Variants in COPG2 observed in about 807,000 individuals in gnomAD.
COPG2 encodes coat protein complex I subunit gamma 2.
A neutral mutation model predicts 46.3 loss-of-function variants in COPG2; 37 were observed. The observed-to-expected ratio is 0.80, with a 90% CI of 0.61 to 1.05. COPG2 has a LOEUF of 1.05. Ranked by LOEUF, COPG2 falls within the 50% of genes least tolerant of loss-of-function variation. COPG2 has a pLI of 0.00. For missense variants in COPG2, 427 were observed against 387.8 expected (o/e 1.10, Z -0.85); for synonymous variants, 159 against 129.7 (o/e 1.23, Z -1.53).
chr7:130,597,662 G>A (rs1794555342), intron 9 of COPG2, among the ~76,000 whole-genome samples: 1 of 152,000 alleles, frequency 6.6e-6, no homozygotes, highest in African/African-American at 2.4e-5. Context: ...ATGAAAAAAA[G>A]GTACCACTAA....
chr7:130,532,440 C>T (rs1026799246), intron 20 of COPG2, among the ~76,000 whole-genome samples: 41 of 151,950 alleles, frequency 2.7e-4, no homozygotes, highest in Non-Finnish European at 3.8e-4. Context: ...AAGATATGGG[C>T]GCTAAGGAGG....
chr7:130,532,458 CAGG>C (rs1799836966), intron 20 of COPG2, among the ~76,000 whole-genome samples: 1 of 151,786 alleles, frequency 6.6e-6, no homozygotes, highest in Admixed American at 6.6e-5. Context: ...AGGGAGGAGG[CAGG>C]AGGAGGGTGG....
At chr7:130,619,326 A>G (rs868937043) in intron 5 of COPG2, among the ~76,000 whole-genome samples, 1 of 152,214 alleles carries the variant, frequency 6.6e-6, no homozygotes, top group Middle Eastern at 3.2e-3. Context: ...ATCTTATTGG[A>G]CAATACAGAT....
At position 130,549,392 on chromosome 7, in the gene COPG2, T is replaced by C; in HGVS notation, c.1775-16A>G. On this transcript the variant is annotated splice_polypyrimidine_tract_variant and intron_variant, in intron 17 of 23. Transcript: ENST00000425248. ...AGTGTGATTTCTATAAAGACAGATA[T>C]GAGCAAGTAAGTGAACTTCTCCCAC... The C allele has an allele frequency of 2.5e-6, 1 of 398,570 alleles. No individual in the cohort carries two copies. The highest frequency in any genetic ancestry group is 4.4e-6 in the Non-Finnish European group (1 of 226,038). The allele number at this position is 398,570 out of a possible 1,614,324, so 24.7% of individuals were successfully genotyped here.
At chr7:130,644,045 T>C (rs2116210663) in intron 5 of COPG2, among the ~76,000 whole-genome samples, 1 of 152,314 alleles carries the variant, frequency 6.6e-6, no homozygotes, top group East Asian at 1.9e-4. Flanking sequence ...GGCAGTTTGG[T>C]TAGAGGAAAA....
chr7:130,591,842 C>T (rs1794434132), intron 9 of COPG2, among the ~76,000 whole-genome samples: 1 of 151,792 alleles, frequency 6.6e-6, no homozygotes, highest in South Asian at 2.1e-4. Context: ...TCTGTCCGGC[C>T]ACCCCTACTG....
chr7:130,586,294 A>C (rs1554447971), intron 9 of COPG2, among the ~76,000 whole-genome samples: 1 of 151,984 alleles, frequency 6.6e-6, no homozygotes, highest in East Asian at 1.9e-4. Context: ...CAAATCATAC[A>C]ATGGACTTTT....
In COPG2 at chr7:130,574,441, G is replaced by A. The variant is rs549516958; in HGVS notation, c.738-10048C>T. 2.0e-5 allele frequency among the ~76,000 whole-genome samples: 3 copies of A among 152,254 alleles called. No individual in the cohort carries two copies. The East Asian group carries it at 5.8e-4, about 29-fold the overall frequency. ...GCTGGGTGGCTAGACCCAGAAGAGA[G>A]ACAACAATCACTGCAGTTTGGCTCA... is the stretch of plus-strand genomic sequence containing the variant. On this transcript the variant is annotated intron_variant, in intron 9 of 23. Coordinates refer to ENST00000425248, the MANE Select transcript of COPG2 (RefSeq NM_012133.6).
intron 20 of COPG2, among the ~76,000 whole-genome samples, chr7:130,528,515 G>A (rs1173008639): frequency 4.6e-5 from 7 of 152,084 alleles, no homozygotes; most frequent in African/African-American, 1.7e-4. Context: ...AAGAAGGGAG[G>A]AGGTACCTGA....
At chr7:130,522,494 G>A (rs926016162) in intron 20 of COPG2, among the ~76,000 whole-genome samples, 4 of 152,028 alleles carry the variant, frequency 2.6e-5, no homozygotes, top group Non-Finnish European at 5.9e-5. Context: ...GATACGAAGG[G>A]GGTTTAGAGT....
At chr7:130,547,024 T>C (rs1793455573) in intron 20 of COPG2, 1 of 152,210 alleles carries the variant, frequency 6.6e-6, no homozygotes, top group South Asian at 2.1e-4. Context: ...GAATAAATAC[T>C]TGACATTCAC....
At chr7:130,628,355 G>A (rs1285999201) in intron 5 of COPG2, among the ~76,000 whole-genome samples, 4 of 151,340 alleles carry the variant, frequency 2.6e-5, no homozygotes, top group African/African-American at 7.3e-5. Flanking sequence ...CTAGTTTATT[G>A]TTTATACTTC....
intron 20 of COPG2, among the ~76,000 whole-genome samples, chr7:130,535,076 G>T (rs1254416366): frequency 1.3e-5 from 2 of 152,154 alleles, no homozygotes; most frequent in African/African-American, 4.8e-5. Context: ...ATAGAGAGAG[G>T]ATGGAAAAGT....
Position 130,590,274 on chromosome 7 carries a change from C to CCTCTCT in COPG2, c.737+20673_737+20678dup, listed in dbSNP as rs1428292374. ...TCCCTCTCCCCACGGTCTCCCTCTC[C>CCTCTCT]CTCTCTTTCCACGGTCTCCCTCTCA... On this transcript the variant is annotated intron_variant, in intron 9 of 23. Transcript: ENST00000425248. Among the ~76,000 whole-genome samples, 3 of 152,096 alleles carry CCTCTCT rather than the reference C, an allele frequency of 2.0e-5. No individual in the cohort carries two copies. The East Asian group carries it at 5.8e-4, about 29-fold the overall frequency.
chr7:130,665,666 T>C (rs1171367579), intron 3 of COPG2, among the ~76,000 whole-genome samples: 1 of 152,104 alleles, frequency 6.6e-6, no homozygotes, highest in Admixed American at 6.5e-5. Context: ...GTAGGTTATA[T>C]GCAAATACTA....
chr7:130,651,430 C>T (rs1054966321), intron 5 of COPG2, among the ~76,000 whole-genome samples: 17 of 151,560 alleles, frequency 1.1e-4, no homozygotes, highest in Non-Finnish European at 2.1e-4. Flanking sequence ...GATTCTCCCG[C>T]CTCAGCCTCC....
intron 9 of COPG2, among the ~76,000 whole-genome samples, chr7:130,595,032 A>G (rs533665200): frequency 6.6e-6 from 1 of 152,354 alleles, no homozygotes; most frequent in East Asian, 1.9e-4. Flanking sequence ...CAAAGAACTG[A>G]AATGTATTGT....
At chr7:130,613,129 G>A (rs1409608501) in intron 7 of COPG2, among the ~76,000 whole-genome samples, 3 of 152,182 alleles carry the variant, frequency 2.0e-5, no homozygotes, top group African/African-American at 7.2e-5. Context: ...TGGACAGAGG[G>A]CAGAGGGATA....
intron 5 of COPG2, among the ~76,000 whole-genome samples, chr7:130,642,069 T>C (rs544135236): frequency 6.6e-6 from 1 of 152,048 alleles, no homozygotes; most frequent in East Asian, 1.9e-4. Context: ...CTCAATTCTC[T>C]CAATTCTCAA....
Sources: gnomAD v4.1 joint callset for allele counts (sites outside exome capture counted in the v4.1 genomes callset) on GRCh38, gnomAD v4.1.1 for gene constraint, MANE v1.5 for transcripts, NCBI Gene and HGNC (gene_info 2026-07-23, HGNC 2026-07-21) for gene names.